STXBP6: variants seen among roughly 807,000 people sequenced by gnomAD.
STXBP6 encodes syntaxin binding protein 6, also known as syntaxin-binding protein 6.
A neutral mutation model predicts 26.9 loss-of-function variants in STXBP6; 21 were observed. That is an observed-to-expected ratio of 0.78 (90% CI 0.55 to 1.12). The LOEUF is 1.12. STXBP6 is among the 50% of genes most tolerant of loss of function. STXBP6 has a pLI of 0.00. For synonymous variants in STXBP6, 97 were observed against 92.6 expected (o/e 1.05, Z -0.27); for missense variants, 232 against 257.9 (o/e 0.90, Z 0.69).
At chr14:24,948,863 C>T (rs1305784136) in intron 2 of STXBP6, among the ~76,000 whole-genome samples, 1 of 152,102 alleles carries the variant, frequency 6.6e-6, no homozygotes, top group African/African-American at 2.4e-5. Flanking sequence ...TCTCTAAGTA[C>T]TGAAGGAGAT....
chr14:24,880,132 G>A (rs1315100368), intron 2 of STXBP6, among the ~76,000 whole-genome samples: 1 of 152,134 alleles, frequency 6.6e-6, no homozygotes, highest in East Asian at 1.9e-4. Flanking sequence ...GTCATGTCCC[G>A]AGTTGTCTTG....
chr14:24,866,018 G>A (rs1262768392), intron 2 of STXBP6, among the ~76,000 whole-genome samples: 1 of 152,144 alleles, frequency 6.6e-6, no homozygotes, highest in African/African-American at 2.4e-5. Flanking sequence ...TGACTGGCCT[G>A]CAGTGCCCAG....
intron 2 of STXBP6, among the ~76,000 whole-genome samples, chr14:24,971,482 C>T (rs2073904946): frequency 6.6e-6 from 1 of 152,130 alleles, no homozygotes; most frequent in East Asian, 1.9e-4. Flanking sequence ...GCCTGGCCTC[C>T]CAGAAGGTGT....
intron 2 of STXBP6, among the ~76,000 whole-genome samples, chr14:24,967,977 G>A (rs7155485): frequency 0.11 from 17,155 of 152,018 alleles, 1,052 homozygotes; most frequent in African/African-American, 0.13. Flanking sequence ...GGTGACCCCG[G>A]CAGATCATGA....
At chr14:24,951,666 T>C (rs1213136866) in intron 2 of STXBP6, among the ~76,000 whole-genome samples, 1 of 152,222 alleles carries the variant, frequency 6.6e-6, no homozygotes, top group Non-Finnish European at 1.5e-5. Flanking sequence ...GGCTTTACTG[T>C]ATAATTTTTG....
intron 2 of STXBP6, among the ~76,000 whole-genome samples, chr14:24,895,555 A>T (rs1296720128): frequency 2.6e-5 from 4 of 152,214 alleles, no homozygotes; most frequent in Admixed American, 6.5e-5. Context: ...CCATATGCCA[A>T]ATGCTTTCTA....
intron 1 of STXBP6, among the ~76,000 whole-genome samples, chr14:25,038,192 C>A (rs1031195339): frequency 5.3e-5 from 8 of 152,120 alleles, no homozygotes; most frequent in Non-Finnish European, 1.0e-4. Flanking sequence ...CCCATACAAA[C>A]ATCAGAATGG....
intron 2 of STXBP6, among the ~76,000 whole-genome samples, chr14:24,946,545 C>T (rs542398740): frequency 2.0e-5 from 3 of 152,260 alleles, no homozygotes; most frequent in East Asian, 3.9e-4. Context: ...TGAAAGAGGA[C>T]TGGAAAAGTA....
intron 1 of STXBP6, among the ~76,000 whole-genome samples, chr14:25,018,454 T>C (rs1880371481): frequency 6.6e-6 from 1 of 152,158 alleles, no homozygotes; most frequent in Non-Finnish European, 1.5e-5. Flanking sequence ...AGAGGGGTAA[T>C]ATAATAAAAT....
At chr14:25,035,299 G>A (rs1449287249) in intron 1 of STXBP6, among the ~76,000 whole-genome samples, 1 of 152,126 alleles carries the variant, frequency 6.6e-6, no homozygotes, top group Non-Finnish European at 1.5e-5. Flanking sequence ...TACATATCCA[G>A]GAACTAATCA....
At chr14:25,023,816 G>A (rs919251057) in intron 1 of STXBP6, among the ~76,000 whole-genome samples, 1 of 152,030 alleles carries the variant, frequency 6.6e-6, no homozygotes, top group Non-Finnish European at 1.5e-5. Context: ...AAACAAAGGT[G>A]CTTTTGCTTC....
intron 2 of STXBP6, among the ~76,000 whole-genome samples, chr14:24,903,005 T>C (rs755084824): frequency 5.9e-5 from 9 of 152,182 alleles, no homozygotes; most frequent in Non-Finnish European, 1.0e-4. Context: ...CACACTTCAT[T>C]TGAAGACTGG....
chr14:25,027,904 C>T (rs2075377245), intron 1 of STXBP6, among the ~76,000 whole-genome samples: 1 of 152,200 alleles, frequency 6.6e-6, no homozygotes, highest in South Asian at 2.1e-4. Flanking sequence ...AGCCAACCAG[C>T]TACAGCATTC....
chr14:25,029,079 C>T (rs184452931), intron 1 of STXBP6, among the ~76,000 whole-genome samples: 14 of 152,136 alleles, frequency 9.2e-5, no homozygotes, highest in African/African-American at 1.7e-4. Flanking sequence ...ATTGTTGAAG[C>T]GACAACAAAG....
At chr14:25,008,800 C>T (rs1192816492) in intron 1 of STXBP6, among the ~76,000 whole-genome samples, 3 of 152,184 alleles carry the variant, frequency 2.0e-5, no homozygotes, top group Non-Finnish European at 2.9e-5. Flanking sequence ...ATATTTTACA[C>T]ATCAGAAGCT....
In STXBP6 at chr14:25,006,534, A is replaced by G. The variant is rs1419646720; in HGVS notation, c.-32-31684T>C. Among the ~76,000 whole-genome samples, 6 of 152,204 alleles carry G rather than the reference A, an allele frequency of 3.9e-5. No homozygotes were observed. In the East Asian group the frequency reaches 1.2e-3, roughly 29 times the overall value. The stretch of plus-strand genomic sequence containing the variant: ...ATGGTTGATGCTTTATTTGTGAAGG[A>G]AAGGGAAGAATCTGATATTAGGGCC... On this transcript the variant is annotated intron_variant, in intron 1 of 5. Coordinates refer to ENST00000323944, the MANE Select transcript of STXBP6 (RefSeq NM_001394410.1).
chr14:24,948,112 G>A (rs1042385572), intron 2 of STXBP6, among the ~76,000 whole-genome samples: 5 of 152,230 alleles, frequency 3.3e-5, no homozygotes, highest in African/African-American at 1.2e-4. Context: ...GAGAAAAGGC[G>A]CCAATCCCAC....
intron 1 of STXBP6, among the ~76,000 whole-genome samples, chr14:25,027,894 A>C (rs1261570409): frequency 6.6e-6 from 1 of 152,262 alleles, no homozygotes; most frequent in African/African-American, 2.4e-5. Flanking sequence ...AGATCAAACC[A>C]GCCAACCAGC....
chr14:24,928,512 A>G (rs2072264431), intron 2 of STXBP6, among the ~76,000 whole-genome samples: 1 of 152,030 alleles, frequency 6.6e-6, no homozygotes, highest in African/African-American at 2.4e-5. Flanking sequence ...CTAGCTTATT[A>G]GTCTATTAAC....
Sources: gnomAD v4.1 joint callset for allele counts (sites outside exome capture counted in the v4.1 genomes callset) on GRCh38, gnomAD v4.1.1 for gene constraint, MANE v1.5 for transcripts, NCBI Gene and HGNC (gene_info 2026-07-23, HGNC 2026-07-21) for gene names.